DLG2: variants seen among roughly 807,000 people sequenced by gnomAD.
DLG2 encodes disks large homolog 2.
DLG2 carries 45 observed loss-of-function variants against 132.5 expected under a neutral mutation model. The observed-to-expected ratio is 0.34, with a 90% CI of 0.27 to 0.44. The LOEUF is 0.44. Ranked by LOEUF, DLG2 falls within the 20% of genes least tolerant of loss-of-function variation. The probability of loss-of-function intolerance (pLI) is 1.00; values close to 1 mark genes in which losing one functional copy is unlikely to be tolerated. For synonymous variants in DLG2, 424 were observed against 419.6 expected (o/e 1.01, Z -0.13); for missense variants, 1,045 against 1,196.9 (o/e 0.87, Z 1.87).
intron 4 of DLG2, among the ~76,000 whole-genome samples, chr11:85,275,939 G>A (rs555032041): frequency 6.6e-6 from 1 of 152,222 alleles, no homozygotes; most frequent in South Asian, 2.1e-4. Context: ...CTGATTCTAG[G>A]TAAGGACAGT....
chr11:83,851,374 C>T (rs2059738673), intron 16 of DLG2, among the ~76,000 whole-genome samples: 2 of 152,172 alleles, frequency 1.3e-5, no homozygotes, highest in Middle Eastern at 6.8e-3. Flanking sequence ...CCTATAATCC[C>T]AGCACTTTGG....
chr11:83,675,676 G>A (rs1458964900), intron 18 of DLG2, among the ~76,000 whole-genome samples: 1 of 152,154 alleles, frequency 6.6e-6, no homozygotes, highest in Non-Finnish European at 1.5e-5. Flanking sequence ...TTGTGAGACT[G>A]ATACTTTAGG....
intron 6 of DLG2, among the ~76,000 whole-genome samples, chr11:85,105,168 T>C (rs934403933): frequency 6.6e-6 from 1 of 151,922 alleles, no homozygotes; most frequent in Non-Finnish European, 1.5e-5. Flanking sequence ...GTGTTTTCTG[T>C]TTTATTTCCT....
chr11:85,217,196 T>C (rs2082673632), intron 4 of DLG2, among the ~76,000 whole-genome samples: 1 of 152,054 alleles, frequency 6.6e-6, no homozygotes, highest in Non-Finnish European at 1.5e-5. Context: ...AGAACTATGA[T>C]ATGAACTCAA....
intron 7 of DLG2, among the ~76,000 whole-genome samples, chr11:84,343,561 T>C (rs2098525489): frequency 6.6e-6 from 1 of 152,100 alleles, no homozygotes; most frequent in Non-Finnish European, 1.5e-5. Context: ...AGTGGAAACA[T>C]CAGATGTTTA....
At chr11:83,639,608 G>A (rs1274569093) in intron 18 of DLG2, among the ~76,000 whole-genome samples, 1 of 151,616 alleles carries the variant, frequency 6.6e-6, no homozygotes, top group African/African-American at 2.4e-5. Context: ...GGCCTGTTGT[G>A]GGGTGGGGGG....
intron 4 of DLG2, among the ~76,000 whole-genome samples, chr11:85,274,630 G>C (rs2077770196): frequency 1.3e-5 from 2 of 152,102 alleles, no homozygotes; most frequent in Admixed American, 1.3e-4. Flanking sequence ...CTTGTACTCT[G>C]CTGTCTCTGA....
intron 6 of DLG2, among the ~76,000 whole-genome samples, chr11:84,594,886 T>C (rs1426694237): frequency 6.6e-6 from 1 of 152,210 alleles, no homozygotes; most frequent in African/African-American, 2.4e-5. Flanking sequence ...TGATCATTAC[T>C]GGTTTAAAGC....
chr11:83,865,015 A>G (rs2062054367), intron 16 of DLG2, among the ~76,000 whole-genome samples: 1 of 152,154 alleles, frequency 6.6e-6, no homozygotes, highest in South Asian at 2.1e-4. Flanking sequence ...CCAAGGTCAA[A>G]TTTATTGTCC....
intron 3 of DLG2, among the ~76,000 whole-genome samples, chr11:85,497,363 A>C (rs1279422882): frequency 6.6e-6 from 1 of 151,964 alleles, no homozygotes; most frequent in Non-Finnish European, 1.5e-5. Context: ...AAAAACAAGG[A>C]GACAAGATTA....
chr11:84,986,703 A>G (rs576329195), intron 6 of DLG2, among the ~76,000 whole-genome samples: 31 of 152,338 alleles, frequency 2.0e-4, no homozygotes, highest in Non-Finnish European at 4.0e-4. Flanking sequence ...ATTTGACAAA[A>G]TTCAGCGTAT....
intron 6 of DLG2, among the ~76,000 whole-genome samples, chr11:84,905,002 A>G (rs993721226): frequency 6.6e-6 from 1 of 152,042 alleles, no homozygotes; most frequent in Non-Finnish European, 1.5e-5. Context: ...TAGCCTCCCA[A>G]GTAGCTTGGA....
intron 17 of DLG2, among the ~76,000 whole-genome samples, chr11:83,830,824 C>T (rs766934062): frequency 6.6e-6 from 1 of 152,118 alleles, no homozygotes; most frequent in African/African-American, 2.4e-5. Context: ...ACCTATCCTG[C>T]CACTTAGAAT....
intron 3 of DLG2, among the ~76,000 whole-genome samples, chr11:85,372,221 A>C (rs1438488870): frequency 6.6e-6 from 1 of 152,210 alleles, no homozygotes; most frequent in Non-Finnish European, 1.5e-5. Flanking sequence ...AATAAGTAGA[A>C]TATCCATCAC....
At chr11:84,787,247 A>G (rs528230446) in intron 6 of DLG2, among the ~76,000 whole-genome samples, 60 of 152,200 alleles carry the variant, frequency 3.9e-4, no homozygotes, top group Non-Finnish European at 7.6e-4. Context: ...TTGCTTCTCC[A>G]TAAGACTCCA....
chr11:84,752,648 A>G (rs1281657593), intron 6 of DLG2, among the ~76,000 whole-genome samples: 2 of 144,822 alleles, frequency 1.4e-5, no homozygotes, highest in African/African-American at 5.2e-5. Context: ...TACATGTGCC[A>G]TGCTGGTGCG....
At chr11:83,666,276 C>G (rs2075539003) in intron 18 of DLG2, among the ~76,000 whole-genome samples, 1 of 152,138 alleles carries the variant, frequency 6.6e-6, no homozygotes, top group African/African-American at 2.4e-5. Context: ...TTCTTTAACT[C>G]AGAGGTCCCC....
intron 7 of DLG2, among the ~76,000 whole-genome samples, chr11:84,276,747 C>A (rs10792750): frequency 2.0e-5 from 3 of 151,960 alleles, no homozygotes; most frequent in Non-Finnish European, 4.4e-5. Context: ...CTAACGGTAC[C>A]TTTGTATGGT....
chr11:85,512,280 T>C (rs2094090413), intron 3 of DLG2, among the ~76,000 whole-genome samples: 3 of 152,120 alleles, frequency 2.0e-5, no homozygotes, highest in South Asian at 2.1e-4. Flanking sequence ...TAAGGGGTTC[T>C]CATCATTCCT....
Sources: allele counts gnomAD v4.1 joint callset (sites outside exome capture counted in the v4.1 genomes callset), GRCh38; gene constraint gnomAD v4.1.1; transcripts MANE v1.5; gene names NCBI Gene and HGNC (gene_info 2026-07-23, HGNC 2026-07-21).